The following SV2B variants were observed in gnomAD, a reference collection of about 807,000 sequenced individuals.
SV2B encodes solute carrier family 22 member B2.
A neutral mutation model predicts 73.9 loss-of-function variants in SV2B; 41 were observed. The observed-to-expected ratio is 0.56, with a 90% confidence interval of 0.43 to 0.72. The LOEUF (loss-of-function observed/expected upper bound fraction) is 0.72. Ranked by LOEUF, SV2B falls within the 30% of genes least tolerant of loss-of-function variation. The probability of loss-of-function intolerance (pLI) is 0.00; values close to 1 mark genes in which losing one functional copy is unlikely to be tolerated. For missense variants in SV2B, 764 were observed against 857.8 expected, an observed-to-expected ratio of 0.89 and a Z score of 1.37; for synonymous variants, 314 against 314.2, an observed-to-expected ratio of 1.00 and a Z score of 0.01.
intron 1 of SV2B, among the ~76,000 whole-genome samples, chr15:91,200,730 G>A (rs2045429606): frequency 6.6e-6 from 1 of 152,096 alleles, no homozygotes; most frequent in African/African-American, 2.4e-5. Flanking sequence ...GCAGCATAGT[G>A]AGACCTCATC....
Position 91,134,004 on chromosome 15 carries a change from C to CTTTTTTT in SV2B, c.-392+33647_-392+33653dup, listed in dbSNP as rs10637206. ...TGCCTCTTCACCACTTTCTTTCTTCCTTTTTTTTTTTTGAGATGGAGTCTT... is the reference window on the plus strand; with the variant it reads ...TGCCTCTTCACCACTTTCTTTCTTCCTTTTTTTTTTTTTTTTTTTGAGATGGAGTCTT... On this transcript the variant is annotated intron_variant, in intron 1 of 12. Transcript: ENST00000394232. 9.1e-4 allele frequency among the ~76,000 whole-genome samples: 97 copies of CTTTTTTT among 106,212 alleles called. 9 individuals are homozygous for CTTTTTTT. Among genetic ancestry groups the CTTTTTTT allele is most frequent in the African/African-American group, 3.7e-3 (92 of 25,130 alleles). The allele number at this position is 106,212 out of a possible 152,430, so 69.7% of individuals were successfully genotyped here.
chr15:91,207,635 C>A (rs1050108412), intron 1 of SV2B, among the ~76,000 whole-genome samples: 2 of 152,138 alleles, frequency 1.3e-5, no homozygotes, highest in African/African-American at 4.8e-5. Flanking sequence ...ACCCCATAAC[C>A]AAAGACAGAA....
chr15:91,150,293 C>A (rs1232673412), intron 1 of SV2B, among the ~76,000 whole-genome samples: 1 of 152,188 alleles, frequency 6.6e-6, no homozygotes, highest in Non-Finnish European at 1.5e-5. Context: ...AGACGTGAGC[C>A]ACCACGCCCG....
chr15:91,113,331 T>C (rs979685913), intron 1 of SV2B, among the ~76,000 whole-genome samples: 1 of 152,356 alleles, frequency 6.6e-6, no homozygotes, highest in South Asian at 2.1e-4. Context: ...TGCCCCTGCA[T>C]GAGGCTATCT....
At position 91,115,246 on chromosome 15, in the gene SV2B, G is replaced by A. The variant is rs901773646; in HGVS notation, c.-392+14883G>A. Among the ~76,000 whole-genome samples, 3 of 152,200 alleles carry A rather than the reference G, an allele frequency of 2.0e-5. No homozygotes were observed. Among genetic ancestry groups the A allele is most frequent in the Non-Finnish European group, 4.4e-5 (3 of 68,036 alleles). Reference sequence around the variant, plus strand: ...TGAAAGAAGAGGACATGGGTCCTGAGCAGGCGAAACCCACAGACGTCCACC... The same window carrying A: ...TGAAAGAAGAGGACATGGGTCCTGAACAGGCGAAACCCACAGACGTCCACC... On this transcript the variant is annotated intron_variant, in intron 1 of 12. Transcript: ENST00000394232. This position sits in a 1 kb window ranked among gnomAD's most constrained non-coding sequence, Gnocchi z 4.3.
At position 91,220,710 on chromosome 15, in the gene SV2B, T is replaced by A. The variant is rs1367305544; in HGVS notation, c.-391-5163T>A. Reference sequence around the variant, plus strand: ...TTTTAGGAGTAACTCAATATTTGTTTGTTTTTCTCTGTATGTGGTTTCCTA... The same window carrying A: ...TTTTAGGAGTAACTCAATATTTGTTAGTTTTTCTCTGTATGTGGTTTCCTA... On this transcript the variant is annotated intron_variant, in intron 1 of 12. Transcript: ENST00000394232. This position sits in a 1 kb window ranked among gnomAD's most constrained non-coding sequence, Gnocchi z 4.1. 1.3e-5 allele frequency among the ~76,000 whole-genome samples: 2 copies of A among 152,216 alleles called. No homozygotes were observed. Among genetic ancestry groups the A allele is most frequent in the Non-Finnish European group, 2.9e-5 (2 of 68,032 alleles).
In SV2B at chr15:91,265,403, T is replaced by C. The variant is rs1435387894; in HGVS notation, c.1009-1179T>C. ...ACAATTGTTCTAATGAATCGTAAAT[T>C]AGAGTGAGTAATTATGCTTCAAGTT... On this transcript the variant is annotated intron_variant, in intron 6 of 12. Transcript: ENST00000394232. This position sits in a 1 kb window ranked among gnomAD's most constrained non-coding sequence, Gnocchi z 4.2. Among the ~76,000 whole-genome samples the C allele has an allele frequency of 1.3e-5, 2 of 152,210 alleles. No homozygotes were observed. Among genetic ancestry groups the C allele is most frequent in the African/African-American group, 4.8e-5 (2 of 41,432 alleles).
chr15:91,188,780 TA>T (rs2044881801), intron 1 of SV2B, among the ~76,000 whole-genome samples: 1 of 152,214 alleles, frequency 6.6e-6, no homozygotes, highest in South Asian at 2.1e-4. Context: ...CTTCTAATAC[TA>T]AGTTCTTGAG....
chr15:91,164,836 G>A (rs1279887367), intron 1 of SV2B, among the ~76,000 whole-genome samples: 1 of 152,200 alleles, frequency 6.6e-6, no homozygotes, highest in Non-Finnish European at 1.5e-5. Context: ...GGAGAGCCAT[G>A]CAAGACCATT....
intron 1 of SV2B, among the ~76,000 whole-genome samples, chr15:91,119,424 T>C (rs1331767350): frequency 2.6e-5 from 4 of 152,198 alleles, no homozygotes; most frequent in Admixed American, 1.3e-4. Flanking sequence ...CACTCCTGGC[T>C]CTGATTGTGT....
intron 11 of SV2B, among the ~76,000 whole-genome samples, chr15:91,286,171 T>C (rs2048854166): frequency 2.0e-5 from 3 of 152,160 alleles, no homozygotes; most frequent in Admixed American, 1.3e-4. Flanking sequence ...GTAAAAGGCC[T>C]ACATGCAGTG....
In SV2B at chr15:91,258,821, G is replaced by T. The variant is rs755827995; in HGVS notation, c.918+267G>T. On this transcript the variant is annotated intron_variant, in intron 5 of 12. Transcript: ENST00000394232. This position sits in a 1 kb window ranked among gnomAD's most constrained non-coding sequence, Gnocchi z 4.7. ...AGCTCTTTCCCAAGGCTGTGCAGTG[G>T]TGGAAGGGCAGCTCCTGAGCTGCCT... is the stretch of plus-strand genomic sequence containing the variant. Among the ~76,000 whole-genome samples the T allele has an allele frequency of 1.3e-5, 2 of 151,974 alleles. No homozygotes were observed. Among genetic ancestry groups the T allele is most frequent in the Non-Finnish European group, 2.9e-5 (2 of 68,012 alleles).
At chr15:91,104,884 G>A (rs1214249826) in intron 1 of SV2B, among the ~76,000 whole-genome samples, 1 of 152,060 alleles carries the variant, frequency 6.6e-6, no homozygotes, top group Non-Finnish European at 1.5e-5. Flanking sequence ...TGCCCGCCTC[G>A]GCCTCCCAAA....
At chr15:91,278,870 C>G (rs912532944) in intron 9 of SV2B, among the ~76,000 whole-genome samples, 1 of 151,832 alleles carries the variant, frequency 6.6e-6, no homozygotes, top group Non-Finnish European at 1.5e-5. Flanking sequence ...CTTAAGAACT[C>G]TATTTCATTT....
In SV2B at chr15:91,106,682, A is replaced by G. The variant is rs1336731471; in HGVS notation, c.-392+6319A>G. Among the ~76,000 whole-genome samples the G allele has an allele frequency of 2.0e-5, 3 of 152,244 alleles. No homozygotes were observed. The highest frequency in any genetic ancestry group is 7.2e-5 in the African/African-American group (3 of 41,464). On this transcript the variant is annotated intron_variant, in intron 1 of 12. Coordinates refer to ENST00000394232, the MANE Select transcript of SV2B (RefSeq NM_001323032.3). This position sits in a 1 kb window ranked among gnomAD's most constrained non-coding sequence, Gnocchi z 4.4. ...AAATAGCTCATATTTTCAAAAAATG[A>G]GAAAAGATCCTTTAGAGGGAGGTGG...
intron 5 of SV2B, among the ~76,000 whole-genome samples, chr15:91,259,087 C>A (rs1040676924): frequency 1.3e-5 from 2 of 151,296 alleles, no homozygotes. Context: ...CAAAGAGACA[C>A]CCTGTCTCAA....
At chr15:91,104,804 G>T (rs2041835207) in intron 1 of SV2B, among the ~76,000 whole-genome samples, 1 of 152,108 alleles carries the variant, frequency 6.6e-6, no homozygotes, top group South Asian at 2.1e-4. Context: ...GGCTAATTTT[G>T]TATTTTTAGT....
In SV2B at chr15:91,298,491, A is replaced by G. The variant is rs1234768260; in HGVS notation, c.*5939A>G. Reference sequence around the variant, plus strand: ...TTCCAAAAAGATGAATGATGAAATGAAACAGACTGAAGCTATCTCACAAAT... The same window carrying G: ...TTCCAAAAAGATGAATGATGAAATGGAACAGACTGAAGCTATCTCACAAAT... On this transcript the variant is annotated 3_prime_UTR_variant, in exon 13 of 13. Transcript: ENST00000394232. The surrounding 1 kb of genome is among the most constrained non-coding windows in gnomAD (Gnocchi z 5.4). 2 of 152,358 alleles carry G rather than the reference A, an allele frequency of 1.3e-5. No individual in the cohort carries two copies. Among genetic ancestry groups the G allele is most frequent in the Admixed American group, 6.5e-5 (1 of 15,308 alleles). 9.4% of individuals were successfully genotyped at this position (152,358 alleles called of 1,614,324 possible).
intron 1 of SV2B, among the ~76,000 whole-genome samples, chr15:91,186,412 G>A (rs1020488099): frequency 1.3e-5 from 2 of 152,186 alleles, no homozygotes; most frequent in Non-Finnish European, 2.9e-5. Context: ...TACATGGAGT[G>A]AGACAAAGCT....
Sources: gnomAD v4.1 joint callset for allele counts (sites outside exome capture counted in the v4.1 genomes callset) on GRCh38, gnomAD v4.1.1 for gene constraint, Gnocchi (gnomAD v3.1) non-coding constraint, MANE v1.5 for transcripts, NCBI Gene and HGNC (gene_info 2026-07-23, HGNC 2026-07-21) for gene names.